Variants in KCNMB2 observed in about 807,000 individuals in gnomAD.
KCNMB2 encodes the protein calcium-activated potassium channel subunit beta-2.
Under a neutral mutation model 24.5 loss-of-function variants are expected in KCNMB2, and 9 were observed. The ratio of observed to expected loss-of-function variants is 0.37; its 90% CI spans 0.22 to 0.64. KCNMB2 has a LOEUF of 0.64. Ranked by LOEUF, KCNMB2 falls within the 30% of genes least tolerant of loss-of-function variation. The pLI is 0.63. For synonymous variants in KCNMB2, 109 were observed against 104.4 expected (o/e 1.04, Z -0.27); for missense variants, 226 against 284.3 (o/e 0.79, Z 1.47).
chr3:178,773,780 A>G (rs185793716), intron 1 of KCNMB2, among the ~76,000 whole-genome samples: 1 of 152,334 alleles, frequency 6.6e-6, no homozygotes, highest in East Asian at 1.9e-4. Flanking sequence ...ATTTACAGAC[A>G]GAAAGCCATT....
intron 1 of KCNMB2, among the ~76,000 whole-genome samples, chr3:178,701,684 C>A: frequency 6.6e-6 from 1 of 152,106 alleles, no homozygotes; most frequent in Non-Finnish European, 1.5e-5. Context: ...TCATCACTGG[C>A]CATCAGAGAA....
intron 1 of KCNMB2, among the ~76,000 whole-genome samples, chr3:178,781,796 T>C (rs1232440283): frequency 6.6e-6 from 1 of 151,690 alleles, no homozygotes; most frequent in Non-Finnish European, 1.5e-5. Flanking sequence ...TTTTTTTTTC[T>C]TTTTTTATTA....
chr3:178,755,178 G>A (rs1340434393), intron 1 of KCNMB2, among the ~76,000 whole-genome samples: 2 of 152,212 alleles, frequency 1.3e-5, no homozygotes, highest in African/African-American at 4.8e-5. Flanking sequence ...CAGCAACAAG[G>A]AGACATGCCT....
chr3:178,644,957 C>T (rs1325308639), intron 1 of KCNMB2, among the ~76,000 whole-genome samples: 1 of 151,976 alleles, frequency 6.6e-6, no homozygotes, highest in Non-Finnish European at 1.5e-5. Context: ...CTTTCAAGGT[C>T]CTTAGCACCT....
At chr3:178,626,210 G>A (rs1002925093) in intron 1 of KCNMB2, among the ~76,000 whole-genome samples, 3 of 152,192 alleles carry the variant, frequency 2.0e-5, no homozygotes, top group Non-Finnish European at 2.9e-5. Flanking sequence ...TGGAGTCAGA[G>A]AGACTTGAAT....
At chr3:178,617,415 G>A (rs140928958) in intron 1 of KCNMB2, among the ~76,000 whole-genome samples, 21,666 of 151,400 alleles carry the variant, frequency 0.14, 1,935 homozygotes, top group East Asian at 0.24. Flanking sequence ...AACATTAGCC[G>A]GGCGTGGTGG....
At position 178,660,141 on chromosome 3, in the gene KCNMB2, A is replaced by G. The variant is rs148889177; in HGVS notation, c.-68+123430A>G. Reference sequence around the variant, plus strand: ...TCCTGTATCTGAATCCATTTCTGCTACTTATTACTTGATTGCCCTTTGATT... The same window carrying G: ...TCCTGTATCTGAATCCATTTCTGCTGCTTATTACTTGATTGCCCTTTGATT... On this transcript the variant is annotated intron_variant, in intron 1 of 4. Transcript: ENST00000452583. Among the ~76,000 whole-genome samples, 216 of 152,282 alleles carry G rather than the reference A, an allele frequency of 1.4e-3. 3 individuals carry two copies. Among genetic ancestry groups the G allele is most frequent in the African/African-American group, 5.1e-3 (210 of 41,552 alleles).
intron 1 of KCNMB2, among the ~76,000 whole-genome samples, chr3:178,662,339 T>C (rs1208021017): frequency 6.6e-6 from 1 of 152,188 alleles, no homozygotes; most frequent in African/African-American, 2.4e-5. Flanking sequence ...TTTATATAAA[T>C]TTTATAGTCT....
At chr3:178,773,907 T>C (rs1475548534) in intron 1 of KCNMB2, among the ~76,000 whole-genome samples, 1 of 152,214 alleles carries the variant, frequency 6.6e-6, no homozygotes, top group East Asian at 1.9e-4. Flanking sequence ...CCATTTGTGC[T>C]GCTATAACAA....
chr3:178,600,006 T>C (rs1718022547), intron 1 of KCNMB2, among the ~76,000 whole-genome samples: 2 of 152,182 alleles, frequency 1.3e-5, no homozygotes, highest in African/African-American at 4.8e-5. Context: ...GCCTCCCAAG[T>C]AGCTGGGATT....
chr3:178,740,037 C>T (rs900181444), intron 1 of KCNMB2, among the ~76,000 whole-genome samples: 1 of 151,988 alleles, frequency 6.6e-6, no homozygotes, highest in Non-Finnish European at 1.5e-5. Context: ...GAAATTTAGA[C>T]TTTTATGTAA....
intron 1 of KCNMB2, among the ~76,000 whole-genome samples, chr3:178,631,307 C>T (rs1387076000): frequency 6.6e-6 from 1 of 152,212 alleles, no homozygotes; most frequent in Non-Finnish European, 1.5e-5. Flanking sequence ...CTCAGTGGTG[C>T]TTGCTTCCTA....
intron 1 of KCNMB2, among the ~76,000 whole-genome samples, chr3:178,683,738 G>T (rs1477903214): frequency 6.6e-6 from 1 of 152,160 alleles, no homozygotes; most frequent in African/African-American, 2.4e-5. Flanking sequence ...TAATGGTTCT[G>T]ATTTTCCAGG....
At chr3:178,706,947 A>C (rs948618924) in intron 1 of KCNMB2, among the ~76,000 whole-genome samples, 4 of 152,192 alleles carry the variant, frequency 2.6e-5, no homozygotes, top group African/African-American at 9.7e-5. Context: ...ACCATGGCAC[A>C]TGTATACCTA....
intron 1 of KCNMB2, among the ~76,000 whole-genome samples, chr3:178,759,387 ATATC>A (rs747863610): frequency 0.078 from 2,678 of 34,324 alleles, 476 homozygotes; most frequent in African/African-American, 0.18. Flanking sequence ...ATATATATAT[ATATC>A]TCTCCAAGAG....
chr3:178,720,033 GGTTA>G (rs1267326529), intron 1 of KCNMB2, among the ~76,000 whole-genome samples: 1 of 151,710 alleles, frequency 6.6e-6, no homozygotes, highest in African/African-American at 2.4e-5. Context: ...ACAACGTGCC[GGTTA>G]GTTACATATG....
chr3:178,681,289 A>G (rs1721263552), intron 1 of KCNMB2, among the ~76,000 whole-genome samples: 1 of 152,180 alleles, frequency 6.6e-6, no homozygotes, highest in South Asian at 2.1e-4. Flanking sequence ...CCAACTTTAC[A>G]GGATTGTTGT....
chr3:178,759,509 A>ATATATATC (rs1200301650), intron 1 of KCNMB2, among the ~76,000 whole-genome samples: 1 of 99,882 alleles, frequency 1.0e-5, no homozygotes, highest in African/African-American at 4.0e-5. Flanking sequence ...ATATATATAT[A>ATATATATC]TCTCTCCAAG....
chr3:178,695,703 G>T (rs1408223351), intron 1 of KCNMB2, among the ~76,000 whole-genome samples: 1 of 151,910 alleles, frequency 6.6e-6, no homozygotes, highest in African/African-American at 2.4e-5. Context: ...GGATTTCATT[G>T]TCTATATTGT....
Sources: allele counts gnomAD v4.1 joint callset (sites outside exome capture counted in the v4.1 genomes callset), GRCh38; gene constraint gnomAD v4.1.1; transcripts MANE v1.5; gene names NCBI Gene and HGNC (gene_info 2026-07-23, HGNC 2026-07-21).